IGF2R: variants seen among roughly 807,000 people sequenced by gnomAD.
IGF2R encodes the protein insulin like growth factor 2 receptor.
IGF2R carries 91 observed loss-of-function variants against 270.6 expected under a neutral mutation model. The ratio of observed to expected loss-of-function variants is 0.34; its 90% CI spans 0.28 to 0.40. The LOEUF is 0.40. Ranked by LOEUF, IGF2R falls within the 10% of genes least tolerant of loss-of-function variation. The pLI is 1.00. For missense variants in IGF2R, 2,805 were observed against 3,188.3 expected (o/e 0.88, Z 2.90); for synonymous variants, 1,316 against 1,258.9 (o/e 1.05, Z -0.96).
intron 45 of IGF2R, among the ~76,000 whole-genome samples, chr6:160,100,807 T>TGG (rs1779468409): frequency 8.2e-6 from 1 of 121,458 alleles, no homozygotes; most frequent in African/African-American, 3.3e-5. Context: ...TTTTTTTTTT[T>TGG]GGAGACAGAG....
At chr6:160,062,341 CTT>C (rs1319281759) in intron 25 of IGF2R, among the ~76,000 whole-genome samples, 189 bp from the exon 26 acceptor site, 1 of 151,596 alleles carries the variant, frequency 6.6e-6, no homozygotes. Context: ...GCCCAGCTAA[CTT>C]TTGTATTTTT....
intron 5 of IGF2R, among the ~76,000 whole-genome samples, chr6:160,025,479 T>C (rs1777540444): frequency 2.0e-5 from 3 of 152,224 alleles, no homozygotes; most frequent in African/African-American, 7.2e-5. Context: ...TTAGAAAAGT[T>C]TGGAGAAAAT....
chr6:160,057,992 C>T (rs761209333), intron 20 of IGF2R, 31 bp from the exon 21 acceptor site: 90 of 1,379,656 alleles, frequency 6.5e-5, no homozygotes, highest in Middle Eastern at 3.6e-4. Context: ...GGTTTGAATG[C>T]GCCCCTTTTT....
intron 4 of IGF2R, among the ~76,000 whole-genome samples, chr6:160,018,802 G>A (rs779387048): frequency 2.0e-5 from 3 of 151,938 alleles, no homozygotes; most frequent in South Asian, 2.1e-4. Context: ...TAAAACCTGC[G>A]GGATACAGCA....
chr6:159,984,385 T>C (rs1436293014), intron 1 of IGF2R, among the ~76,000 whole-genome samples: 4 of 152,232 alleles, frequency 2.6e-5, no homozygotes, highest in East Asian at 1.9e-4. Flanking sequence ...ACCAGTCTTA[T>C]GAAAGCGTCC....
At chr6:160,059,139 C>G (rs1435751132) in intron 22 of IGF2R, 41 bp downstream of exon 22, 3 of 1,563,900 alleles carry the variant, frequency 1.9e-6, no homozygotes, top group Admixed American at 3.4e-5. Flanking sequence ...AAAAAGGGCC[C>G]TGGTGGCTCT....
intron 5 of IGF2R, among the ~76,000 whole-genome samples, chr6:160,026,953 A>C (rs1777573264): frequency 6.6e-6 from 1 of 152,190 alleles, no homozygotes; most frequent in African/African-American, 2.4e-5. Context: ...AAATAACATC[A>C]TAACCTGTTT....
At chr6:160,062,710 C>A in intron 26 of IGF2R, 91 bp downstream of exon 26, 1 of 879,784 alleles carries the variant, frequency 1.1e-6, no homozygotes, top group Non-Finnish European at 1.8e-6. Context: ...CGTGTGATAA[C>A]AGCCATAGCT....
At chr6:160,031,774 C>T (rs993185294) in intron 7 of IGF2R, among the ~76,000 whole-genome samples, 1 of 152,178 alleles carries the variant, frequency 6.6e-6, no homozygotes, top group Non-Finnish European at 1.5e-5. Context: ...AGCAGGTGCT[C>T]AGTGAGTATT....
At chr6:159,987,690 A>G (rs1783909340) in intron 1 of IGF2R, among the ~76,000 whole-genome samples, 2 of 152,138 alleles carry the variant, frequency 1.3e-5, no homozygotes, top group South Asian at 4.1e-4. Context: ...ACGCCCTGCC[A>G]TTAGTTTGTT....
At chr6:159,993,949 T>G (rs2115185708) in intron 2 of IGF2R, among the ~76,000 whole-genome samples, 1 of 151,196 alleles carries the variant, frequency 6.6e-6, no homozygotes, top group African/African-American at 2.4e-5. Context: ...GTTACTGGCT[T>G]CATAGAACAA....
chr6:160,106,376 T>G lies in IGF2R; in HGVS notation c.*1292T>G, dbSNP rs1779621862. On this transcript the variant is annotated 3_prime_UTR_variant, in exon 48 of 48. Coordinates refer to ENST00000356956, the MANE Select transcript of IGF2R (RefSeq NM_000876.4). ...GAATTGTATATAGACTCTGGTGTTC[T>G]ATTGCTGAGAAGCAAACCGCCCTGC... 6.5e-6 allele frequency: 1 copy of G among 152,674 alleles called. No individual in the cohort carries two copies. The highest frequency in any genetic ancestry group is 2.1e-4 in the South Asian group (1 of 4,832). 9.5% of individuals were successfully genotyped at this position (152,674 alleles called of 1,614,324 possible). A position where few individuals can be genotyped will look rare whatever the true frequency, so the allele number is the denominator to read the frequency against.
At chr6:160,094,169 T>C (rs569531945) in intron 44 of IGF2R, 41 of 391,702 alleles carry the variant, frequency 1.0e-4, no homozygotes, top group South Asian at 8.2e-4. Context: ...TTTTGGTCTA[T>C]AAACAGGGCG....
At chr6:160,086,221 A>C (rs1356953231) in intron 41 of IGF2R, among the ~76,000 whole-genome samples, 1 of 152,212 alleles carries the variant, frequency 6.6e-6, no homozygotes, top group East Asian at 1.9e-4. Flanking sequence ...ACCATTTTGC[A>C]AGTCCAGCCT....
Position 160,065,782 on chromosome 6 carries a change from A to ATGTG in IGF2R, c.4115+911_4115+914dup, listed in dbSNP as rs57759831. ...AAGCATTTTTCCTAGAGATATGTGT[A>ATGTG]TGTGTGTGTGTGTGTGTGTGTGTGT... On this transcript the variant is annotated intron_variant, in intron 29 of 47. Transcript: ENST00000356956. Among the ~76,000 whole-genome samples, 331 of 93,106 alleles carry ATGTG rather than the reference A, an allele frequency of 3.6e-3. 8 individuals are homozygous for ATGTG. The highest frequency in any genetic ancestry group is 0.01 in the African/African-American group (230 of 22,996). 61.1% of individuals were successfully genotyped at this position (93,106 alleles called of 152,430 possible). A position where few individuals can be genotyped will look rare whatever the true frequency, so the allele number is the denominator to read the frequency against.
chr6:159,980,228 A>AAGGAAGGAAGG (rs1554234683), intron 1 of IGF2R, among the ~76,000 whole-genome samples: 1 of 135,126 alleles, frequency 7.4e-6, no homozygotes, highest in East Asian at 2.2e-4. Context: ...AGAAAGAAAG[A>AAGGAAGGAAGG]AAGAAAGAAA....
In IGF2R at chr6:160,089,966, A is replaced by G; in HGVS notation, c.6518A>G (p.Tyr2173Cys). ...AGGACCAATGGGGACAACTACCTGT[A>G]TGAGATCCAACTTTCCTCCATCACA... ...DMRTNGDNYL[Y>C]EIQLSSITSS... The change falls in exon 44 of 48, where the codon TAT becomes TGT. Residue 2173 changes from tyrosine (Y) to cysteine (C), a missense_variant. Transcript: ENST00000356956. The G allele has an allele frequency of 6.2e-7, 1 of 1,607,744 alleles. No homozygotes were observed. Among genetic ancestry groups the G allele is most frequent in the Non-Finnish European group, 8.5e-7 (1 of 1,177,260 alleles).
In IGF2R at chr6:160,084,513, G is replaced by A. The variant is rs994878675; in HGVS notation, c.6068+329G>A. On this transcript the variant is annotated intron_variant, in intron 40 of 47. Transcript: ENST00000356956. This position sits in a 1 kb window ranked among gnomAD's most constrained non-coding sequence, Gnocchi z 4.6. ...TTGTGGGAGGCGTGTGGGTTTTCTCGGGTCTTTGGCAGGAGCTCCTTAGGC... is the reference window on the plus strand; with the variant it reads ...TTGTGGGAGGCGTGTGGGTTTTCTCAGGTCTTTGGCAGGAGCTCCTTAGGC... Among the ~76,000 whole-genome samples, 6 of 152,086 alleles carry A rather than the reference G, an allele frequency of 3.9e-5. No homozygotes were observed. Among genetic ancestry groups the A allele is most frequent in the Non-Finnish European group, 4.4e-5 (3 of 68,020 alleles).
chr6:160,082,021 A>G (rs1013401502), intron 39 of IGF2R, among the ~76,000 whole-genome samples: 1 of 152,254 alleles, frequency 6.6e-6, no homozygotes, highest in African/African-American at 2.4e-5. Flanking sequence ...ATTAAAGTAA[A>G]GACAGGCATA....
Sources: gnomAD v4.1 joint callset for allele counts (sites outside exome capture counted in the v4.1 genomes callset) on GRCh38, gnomAD v4.1.1 for gene constraint, Gnocchi (gnomAD v3.1) non-coding constraint, MANE v1.5 for transcripts, NCBI Gene and HGNC (gene_info 2026-07-23, HGNC 2026-07-21) for gene names.